The following FBXO10 variants were observed in gnomAD, a reference collection of about 807,000 sequenced individuals.
FBXO10 encodes F-box only protein 10.
Under a neutral mutation model 80.7 loss-of-function variants are expected in FBXO10, and 39 were observed. That is an observed-to-expected ratio of 0.48 (90% CI 0.37 to 0.63). The LOEUF is 0.63. Among genes scored for constraint, FBXO10 ranks in the 30% least tolerant of loss-of-function variants. The pLI is 0.00. For missense variants in FBXO10, 1,025 were observed against 1,269.0 expected, an observed-to-expected ratio of 0.81 and a Z score of 2.92; for synonymous variants, 449 against 489.6, an observed-to-expected ratio of 0.92 and a Z score of 1.09.
At chr9:37,557,574 AG>A (rs1822369300) in intron 1 of FBXO10, among the ~76,000 whole-genome samples, 1 of 152,148 alleles carries the variant, frequency 6.6e-6, no homozygotes, top group African/African-American at 2.4e-5. Context: ...CTTTCCATAA[AG>A]TTTTGGTGAC....
At chr9:37,518,748 C>G (rs1352388482) in intron 8 of FBXO10, among the ~76,000 whole-genome samples, 15 of 152,172 alleles carry the variant, frequency 9.9e-5, no homozygotes, top group Admixed American at 9.2e-4. Flanking sequence ...TCCTGCACCA[C>G]CGCCATCCTA....
At position 37,540,354 on chromosome 9, in the gene FBXO10, A is replaced by T. The variant is rs937240095; in HGVS notation, c.585+830T>A. On this transcript the variant is annotated intron_variant, in intron 2 of 10. Coordinates refer to ENST00000432825, the MANE Select transcript of FBXO10 (RefSeq NM_012166.3). Reference sequence around the variant, plus strand: ...AGGCACCTGCCACCATGCCCCGCTGATTTTGTATTTTTAGTAGAGACAGGT... The same window carrying T: ...AGGCACCTGCCACCATGCCCCGCTGTTTTTGTATTTTTAGTAGAGACAGGT... Among the ~76,000 whole-genome samples, 4 of 151,844 alleles carry T rather than the reference A, an allele frequency of 2.6e-5. No homozygotes were observed. The South Asian group carries it at 6.3e-4, about 24-fold the overall frequency.
Position 37,561,598 on chromosome 9 carries a change from A to G in FBXO10, c.-7+14613T>C, listed in dbSNP as rs146417005. Among the ~76,000 whole-genome samples, 607 of 152,270 alleles carry G rather than the reference A, an allele frequency of 4.0e-3. 1 individual carries two copies. The highest frequency in any genetic ancestry group is 6.5e-3 in the Admixed American group (99 of 15,290). On this transcript the variant is annotated intron_variant, in intron 1 of 10. Coordinates refer to ENST00000432825, the MANE Select transcript of FBXO10 (RefSeq NM_012166.3). ...TCCTTGCCTCTAAACTGAGGCTGAC[A>G]ATGGCTGGCCTGATACACCTCATGC...
chr9:37,529,081 G>A (rs1359475529), intron 5 of FBXO10, 43 bp downstream of exon 5: 1 of 1,612,098 alleles, frequency 6.2e-7, no homozygotes, highest in South Asian at 1.1e-5. Flanking sequence ...GAGAGACAGG[G>A]AGGAGGTTAA....
At chr9:37,563,147 G>A (rs777533601) in intron 1 of FBXO10, among the ~76,000 whole-genome samples, 1 of 152,284 alleles carries the variant, frequency 6.6e-6, no homozygotes, top group Non-Finnish European at 1.5e-5. Context: ...CATTTCCCCT[G>A]CTTGCACTCA....
At position 37,572,974 on chromosome 9, in the gene FBXO10, A is replaced by C. The variant is rs528516808; in HGVS notation, c.-7+3237T>G. Among the ~76,000 whole-genome samples, 4 of 152,332 alleles carry C rather than the reference A, an allele frequency of 2.6e-5. No homozygotes were observed. The South Asian group carries it at 6.2e-4, about 24-fold the overall frequency. ...CCCTAACAGGGTACATGCCAAGTAAATTTTCCAGAATGCCTAAATCTGTGT... is the reference window on the plus strand; with the variant it reads ...CCCTAACAGGGTACATGCCAAGTAACTTTTCCAGAATGCCTAAATCTGTGT... On this transcript the variant is annotated intron_variant, in intron 1 of 10. Transcript: ENST00000432825.
chr9:37,522,799 G>A (rs939939138), intron 7 of FBXO10, 26 bp downstream of exon 7: 52 of 1,550,750 alleles, frequency 3.4e-5, no homozygotes, highest in African/African-American at 1.1e-4. Flanking sequence ...CTGCCTCCCC[G>A]GCTGGGTTGG....
intron 1 of FBXO10, among the ~76,000 whole-genome samples, chr9:37,566,134 A>G (rs543741273): frequency 6.6e-6 from 1 of 152,314 alleles, no homozygotes; most frequent in East Asian, 1.9e-4. Flanking sequence ...AAGGGACCCA[A>G]CAGGCTTCAT....
intron 1 of FBXO10, among the ~76,000 whole-genome samples, chr9:37,556,595 G>A (rs1822342827): frequency 7.4e-6 from 1 of 134,278 alleles, no homozygotes; most frequent in South Asian, 2.5e-4. Context: ...CCAGTCTGGA[G>A]TGCAGTGGCA....
At chr9:37,535,712 C>T (rs919203004) in intron 3 of FBXO10, among the ~76,000 whole-genome samples, 7 of 152,126 alleles carry the variant, frequency 4.6e-5, no homozygotes, top group African/African-American at 1.7e-4. Context: ...CAGCCTTTAC[C>T]CTCCTGGGAT....
At chr9:37,532,125 A>T (rs1821641244) in intron 3 of FBXO10, 67 bp from the exon 4 acceptor site, 3 of 1,509,878 alleles carry the variant, frequency 2.0e-6, no homozygotes, top group Non-Finnish European at 2.7e-6. Context: ...CACTGGAGGA[A>T]CACCTGAGTC....
intron 1 of FBXO10, among the ~76,000 whole-genome samples, chr9:37,544,851 G>A (rs895951332): frequency 7.9e-5 from 12 of 151,768 alleles, no homozygotes; most frequent in African/African-American, 2.9e-4. Flanking sequence ...AAAATTAGCC[G>A]GGCGTGGTGG....
At chr9:37,520,846 C>T (rs1328884436) in intron 8 of FBXO10, among the ~76,000 whole-genome samples, 7 of 152,164 alleles carry the variant, frequency 4.6e-5, no homozygotes, top group Non-Finnish European at 1.0e-4. Flanking sequence ...TTTGGTACTG[C>T]AGGGACAGGG....
chr9:37,568,814 A>G (rs1443173568), intron 1 of FBXO10, among the ~76,000 whole-genome samples: 2 of 152,226 alleles, frequency 1.3e-5, no homozygotes, highest in Non-Finnish European at 2.9e-5. Flanking sequence ...TTCACCACTT[A>G]TAACGGAAAT....
Position 37,522,976 on chromosome 9 carries a change from T to C in FBXO10, c.1779A>G (p.Glu593=). The change falls in exon 7 of 11, where the codon GAA becomes GAG. Residue 593 remains glutamate, a splice_region_variant and synonymous_variant. Transcript: ENST00000432825. ...VNENGKGLIT[E]NVIRENQWGG... is the part of the protein sequence containing the mutation. The stretch of plus-strand genomic sequence containing the variant: ...CCCACTGATTCTCACGGATGACATT[T>C]TCTATGGAGAGAAGCAGAAAAGAAG... 1 of 1,592,368 alleles carries C rather than the reference T, an allele frequency of 6.3e-7. No individual in the cohort carries two copies. The highest frequency in any genetic ancestry group is 8.5e-7 in the Non-Finnish European group (1 of 1,169,718).
At chr9:37,545,175 C>CTTTTTTTTTT (rs397893928) in intron 1 of FBXO10, among the ~76,000 whole-genome samples, 1 of 85,632 alleles carries the variant, frequency 1.2e-5, no homozygotes, top group Non-Finnish European at 2.1e-5. Context: ...CATTCTCAGG[C>CTTTTTTTTTT]TTTTTTTTTT....
At chr9:37,568,806 C>T (rs1298216587) in intron 1 of FBXO10, among the ~76,000 whole-genome samples, 3 of 152,086 alleles carry the variant, frequency 2.0e-5, no homozygotes, top group African/African-American at 4.8e-5. Flanking sequence ...CAAGGATATT[C>T]ACCACTTATA....
chr9:37,556,791 C>T (rs1047710544), intron 1 of FBXO10, among the ~76,000 whole-genome samples: 1 of 152,006 alleles, frequency 6.6e-6, no homozygotes, highest in African/African-American at 2.4e-5. Flanking sequence ...GTGATCTGTC[C>T]GTCTTGTCCT....
At chr9:37,561,821 C>T (rs1822491985) in intron 1 of FBXO10, among the ~76,000 whole-genome samples, 1 of 152,142 alleles carries the variant, frequency 6.6e-6, no homozygotes, top group African/African-American at 2.4e-5. Context: ...GGTATATGTG[C>T]ATGCATGTGC....
Sources: gnomAD v4.1 joint callset for allele counts (sites outside exome capture counted in the v4.1 genomes callset) on GRCh38, gnomAD v4.1.1 for gene constraint, MANE v1.5 for transcripts, NCBI Gene and HGNC (gene_info 2026-07-23, HGNC 2026-07-21) for gene names.